The following CXXC4 variants were observed in gnomAD, a reference collection of about 807,000 sequenced individuals.
CXXC4 encodes the protein CXXC finger protein 4.
CXXC4 carries 5 observed loss-of-function variants against 20.5 expected under a neutral mutation model. The ratio of observed to expected loss-of-function variants is 0.24; its 90% CI spans 0.13 to 0.51. The LOEUF is 0.51. Among genes scored for constraint, CXXC4 ranks in the 20% least tolerant of loss-of-function variants. CXXC4 has a pLI of 0.97. For synonymous variants in CXXC4, 250 were observed against 216.4 expected, an observed-to-expected ratio of 1.16 and a Z score of -1.36; for missense variants, 419 against 496.4, an observed-to-expected ratio of 0.84 and a Z score of 1.48.
At chr4:104,477,047 C>A (rs1553913116) in intron 2 of CXXC4, among the ~76,000 whole-genome samples, 1 of 152,126 alleles carries the variant, frequency 6.6e-6, no homozygotes, top group Non-Finnish European at 1.5e-5. Context: ...GGCCTTGATA[C>A]TGGAAACCTC....
chr4:104,490,706 G>A lies in CXXC4; in HGVS notation c.1059+38C>T, dbSNP rs768756505. 58 of 1,535,716 alleles carry A rather than the reference G, an allele frequency of 3.8e-5. No homozygotes were observed. In the East Asian group the frequency reaches 1.1e-3, roughly 30 times the overall value. On this transcript the variant is annotated intron_variant, in intron 2 of 2. Coordinates refer to ENST00000394767, the MANE Select transcript of CXXC4 (RefSeq NM_025212.4). ...AAGGGGAGAGGGAGTGAGGAGGGAA[G>A]GGGGGAGACTGGGAAACAAGAAATC...
At chr4:104,485,422 T>G (rs1431559053) in intron 2 of CXXC4, among the ~76,000 whole-genome samples, 1 of 152,054 alleles carries the variant, frequency 6.6e-6, no homozygotes, top group African/African-American at 2.4e-5. Context: ...AAAATAAATT[T>G]AAGAAATTAA....
intron 2 of CXXC4, among the ~76,000 whole-genome samples, chr4:104,485,979 C>T (rs1252660324): frequency 6.6e-6 from 1 of 152,056 alleles, no homozygotes; most frequent in Admixed American, 6.6e-5. Context: ...ACTAGATACA[C>T]TTTTCAGAAA....
chr4:104,491,781 C>T lies in CXXC4; in HGVS notation c.22G>A (p.Glu8Lys). 1.3e-6 allele frequency: 2 copies of T among 1,524,376 alleles called. No homozygotes were observed. The highest frequency in any genetic ancestry group is 1.8e-6 in the Non-Finnish European group (2 of 1,134,582). 94.4% of individuals were successfully genotyped at this position (1,524,376 alleles called of 1,614,324 possible). A position where few individuals can be genotyped will look rare whatever the true frequency, so the allele number is the denominator to read the frequency against. The stretch of plus-strand genomic sequence containing the variant: ...GGGGCCTCCGGGCTCGGCCCGGGCT[C>T]CACGCAGACATTGGTGTTCATGGTG... MNTNVCV[E>K]PGPSPEAPGL... The change falls in exon 2 of 3, where the codon GAG becomes AAG. Residue 8 changes from glutamate to lysine, a missense_variant. Glu to Lys is a moderately conservative substitution (Grantham distance 56). Coordinates refer to ENST00000394767, the MANE Select transcript of CXXC4 (RefSeq NM_025212.4).
intron 2 of CXXC4, among the ~76,000 whole-genome samples, chr4:104,475,453 A>C (rs557771873): frequency 6.6e-6 from 1 of 152,286 alleles, no homozygotes; most frequent in South Asian, 2.1e-4. Flanking sequence ...AATTTTCATC[A>C]GGAACAATGG....
Position 104,491,815 on chromosome 4 carries a change from G to T in CXXC4, c.-13C>A. ...CATTGGTGTTCATGGTGCAGGGGGG[G>T]AAGAAGGGGTGCAGGGTGGAAGTGG... On this transcript the variant is annotated 5_prime_UTR_variant, in exon 2 of 3. Transcript: ENST00000394767. The T allele has an allele frequency of 7.5e-7, 1 of 1,325,916 alleles. No homozygotes were observed. The allele number at this position is 1,325,916 out of a possible 1,614,324, so 82.1% of individuals were successfully genotyped here.
intron 2 of CXXC4, among the ~76,000 whole-genome samples, chr4:104,484,486 TGAC>T (rs1284017935): frequency 2.0e-5 from 3 of 152,010 alleles, no homozygotes; most frequent in Non-Finnish European, 4.4e-5. Context: ...ATCTTGAATA[TGAC>T]GTCTTTGAAA....
At position 104,490,789 on chromosome 4, in the gene CXXC4, A is replaced by G; in HGVS notation, c.1014T>C (p.Phe338=). 6.2e-7 allele frequency: 1 copy of G among 1,614,138 alleles called. No homozygotes were observed. The highest frequency in any genetic ancestry group is 8.5e-7 in the Non-Finnish European group (1 of 1,180,010). Residue 338 remains phenylalanine (F), a synonymous_variant, in exon 2 of 3, where the codon TTT becomes TTC. Coordinates refer to ENST00000394767, the MANE Select transcript of CXXC4 (RefSeq NM_025212.4). ...TTTTCTTTAGCTCTTCACATTTTCT[A>G]AATTTGCAGATCTGGTGTCCCGTTT... ...NRKTGHQICK[F]RKCEELKKKP...
In CXXC4 at chr4:104,492,062, AAAAT is replaced by A; in HGVS notation, c.-257-7_-257-4del. 1 of 335,894 alleles carries A rather than the reference AAAAT, an allele frequency of 3.0e-6. No homozygotes were observed. The highest frequency in any genetic ancestry group is 5.4e-6 in the Non-Finnish European group (1 of 185,778). The allele number at this position is 335,894 out of a possible 1,614,324, so 20.8% of individuals were successfully genotyped here. A position where few individuals can be genotyped will look rare whatever the true frequency, so the allele number is the denominator to read the frequency against. On this transcript the variant is annotated splice_region_variant and splice_polypyrimidine_tract_variant and intron_variant, in intron 1 of 2. Coordinates refer to ENST00000394767, the MANE Select transcript of CXXC4 (RefSeq NM_025212.4). ...GCATTATCCTCCAACTGTTACAACT[AAAAT>A]AAAGAAAGTCATTCCAACGAGCTGC...
intron 2 of CXXC4, among the ~76,000 whole-genome samples, chr4:104,485,890 T>C (rs1248723957): frequency 6.6e-6 from 1 of 152,126 alleles, no homozygotes; most frequent in East Asian, 1.9e-4. Context: ...TGACTGAGAC[T>C]AAACAAAATA....
At chr4:104,490,092 C>A (rs893310140) in intron 2 of CXXC4, among the ~76,000 whole-genome samples, 1 of 152,202 alleles carries the variant, frequency 6.6e-6, no homozygotes, top group Non-Finnish European at 1.5e-5. Context: ...CACATCTCCT[C>A]AAAATTTGCA....
At chr4:104,493,237 C>G (rs950721354) in intron 1 of CXXC4, among the ~76,000 whole-genome samples, 1 of 152,082 alleles carries the variant, frequency 6.6e-6, no homozygotes, top group Non-Finnish European at 1.5e-5. Context: ...TACATCACAG[C>G]CTTTTAAGAA....
intron 2 of CXXC4, 110 bp downstream of exon 2, chr4:104,490,634 G>T: frequency 9.8e-7 from 1 of 1,018,320 alleles, no homozygotes; most frequent in Non-Finnish European, 1.5e-6. Context: ...CCTGAATGAA[G>T]CTTCTGAGAA....
chr4:104,484,918 G>A (rs1455640000), intron 2 of CXXC4, among the ~76,000 whole-genome samples: 2 of 151,806 alleles, frequency 1.3e-5, no homozygotes, highest in African/African-American at 4.8e-5. Flanking sequence ...TATGACTCAA[G>A]GATAAAATCA....
chr4:104,472,962 T>C (rs757274386), intron 2 of CXXC4, among the ~76,000 whole-genome samples: 1 of 151,942 alleles, frequency 6.6e-6, no homozygotes, highest in Non-Finnish European at 1.5e-5. Flanking sequence ...TTAAAATGAC[T>C]ATGATTGAAT....
chr4:104,477,670 T>A (rs115497930), intron 2 of CXXC4, among the ~76,000 whole-genome samples: 2,245 of 152,062 alleles, frequency 0.015, 31 homozygotes, highest in South Asian at 0.029. Context: ...TTAATGATTA[T>A]CACACAGTCC....
chr4:104,493,524 G>A (rs2110282520), intron 1 of CXXC4, among the ~76,000 whole-genome samples: 1 of 152,252 alleles, frequency 6.6e-6, no homozygotes, highest in South Asian at 2.1e-4. Flanking sequence ...TACTGATGAG[G>A]TGCTCTAAAA....
chr4:104,487,985 G>GA (rs569614835), intron 2 of CXXC4, among the ~76,000 whole-genome samples: 22 of 151,978 alleles, frequency 1.4e-4, no homozygotes, highest in Admixed American at 1.1e-3. Context: ...TTCTCACCCT[G>GA]AAAAAAAATC....
rs1736865534 is a variant in CXXC4, at chr4:104,491,418, C to G, written c.385G>C (p.Gly129Arg). 1.9e-6 allele frequency: 2 copies of G among 1,037,922 alleles called. No individual in the cohort carries two copies. The highest frequency in any genetic ancestry group is 3.5e-5 in the African/African-American group (2 of 57,924). The allele number at this position is 1,037,922 out of a possible 1,614,324, so 64.3% of individuals were successfully genotyped here. A position where few individuals can be genotyped will look rare whatever the true frequency, so the allele number is the denominator to read the frequency against. ...GGGGGGGGGGGGGGGGRKSSS... is the reference protein window; with the variant it reads ...GGGGGGGGGGRGGGGGRKSSS... The stretch of plus-strand genomic sequence containing the variant: ...GATTTCCTGCCGCCCCCACCACCCC[C>G]GCCCCCGCCTCCGCCGCCGCCGCCG... Residue 129 changes from glycine (G) to arginine (R), a missense_variant, in exon 2 of 3, where the codon GGG (glycine) becomes CGG (arginine). Gly to Arg is a moderately radical substitution (Grantham distance 125, BLOSUM62 -2). This residue lies in a region of CXXC4 where 388 missense variants were observed against 416.0 expected (regional missense o/e 0.93). Transcript: ENST00000394767.
Sources: gnomAD v4.1 joint callset for allele counts (sites outside exome capture counted in the v4.1 genomes callset) on GRCh38, gnomAD v4.1.1 for gene constraint, gnomAD v4.1.1 regional missense constraint, MANE v1.5 for transcripts, NCBI Gene and HGNC (gene_info 2026-07-23, HGNC 2026-07-21) for gene names.